KAT6A: variants seen among roughly 807,000 people sequenced by gnomAD.
KAT6A encodes the protein lysine acetyltransferase 6A.
KAT6A carries 9 observed loss-of-function variants against 198.4 expected under a neutral mutation model. That is an observed-to-expected ratio of 0.05 (90% CI 0.03 to 0.08). KAT6A has a LOEUF of 0.08. Among genes scored for constraint, KAT6A ranks in the 10% least tolerant of loss-of-function variants. The pLI is 1.00. For missense variants in KAT6A, 2,077 were observed against 2,509.9 expected (o/e 0.83, Z 3.69); for synonymous variants, 890 against 883.0 (o/e 1.01, Z -0.14).
In KAT6A at chr8:41,967,533, G is replaced by A. The variant is rs965065651; in HGVS notation, c.1482+7171C>T. ...CACTGTTCAATTCCCACCTATGAGT[G>A]AGAATATGCAGTGTTTGGTTTTTTG... On this transcript the variant is annotated intron_variant, in intron 8 of 16. Transcript: ENST00000265713. 5.5e-5 allele frequency among the ~76,000 whole-genome samples: 8 copies of A among 145,218 alleles called. No individual in the cohort carries two copies. The East Asian group carries it at 8.2e-4, about 15-fold the overall frequency.
At chr8:42,026,093 G>C (rs1826798993) in intron 2 of KAT6A, among the ~76,000 whole-genome samples, 1 of 152,136 alleles carries the variant, frequency 6.6e-6, no homozygotes, top group Non-Finnish European at 1.5e-5. Flanking sequence ...GTAAATACAT[G>C]GATTTATTTC....
chr8:41,948,035 G>A (rs1283889879), intron 10 of KAT6A, 123 bp from the exon 11 acceptor site: 2 of 661,198 alleles, frequency 3.0e-6, no homozygotes, highest in Non-Finnish European at 4.7e-6. Context: ...TCCATGACCA[G>A]AACACTTTGG....
At chr8:42,013,275 T>C (rs954527335) in intron 2 of KAT6A, among the ~76,000 whole-genome samples, 12 of 136,720 alleles carry the variant, frequency 8.8e-5, no homozygotes, top group African/African-American at 1.7e-4. Flanking sequence ...TTTTTTTTTT[T>C]AGATGGAGTC....
At chr8:41,969,165 TATC>T (rs1823656227) in intron 8 of KAT6A, among the ~76,000 whole-genome samples, 1 of 152,202 alleles carries the variant, frequency 6.6e-6, no homozygotes, top group Non-Finnish European at 1.5e-5. Context: ...TTAATTCCTT[TATC>T]ATGTCTTTTG....
At chr8:41,975,818 C>T in intron 7 of KAT6A, among the ~76,000 whole-genome samples, 1 of 152,196 alleles carries the variant, frequency 6.6e-6, no homozygotes, top group Non-Finnish European at 1.5e-5. Flanking sequence ...CTAACAATTT[C>T]TATTTCAAAA....
intron 2 of KAT6A, among the ~76,000 whole-genome samples, chr8:42,011,650 G>A (rs1188062128): frequency 2.6e-5 from 4 of 151,994 alleles, no homozygotes; most frequent in African/African-American, 9.7e-5. Context: ...TGAGGCAGGA[G>A]AATCGCTTGA....
chr8:41,933,771 G>T lies in KAT6A; in HGVS notation c.4449C>A (p.Ile1483=). 6.2e-7 allele frequency: 1 copy of T among 1,614,148 alleles called. No homozygotes were observed. The highest frequency in any genetic ancestry group is 2.2e-5 in the East Asian group (1 of 44,862). ...GGCTGGGGTGAGACTGAACGGAGGAGATAGGGCTATTATGTTCTGACGCAT... is the reference window on the plus strand; with the variant it reads ...GGCTGGGGTGAGACTGAACGGAGGATATAGGGCTATTATGTTCTGACGCAT... The part of the protein sequence containing the change: ...DCHASEHNSP[I]SSVQSHPSQS... Residue 1483 remains isoleucine, a synonymous_variant, in exon 17 of 17, where the codon ATC becomes ATA. Coordinates refer to ENST00000265713, the MANE Select transcript of KAT6A (RefSeq NM_006766.5). The surrounding 1 kb of genome is among the most constrained non-coding windows in gnomAD (Gnocchi z 6.2).
intron 2 of KAT6A, among the ~76,000 whole-genome samples, chr8:42,003,039 G>A (rs904045570): frequency 6.6e-6 from 1 of 152,096 alleles, no homozygotes; most frequent in Non-Finnish European, 1.5e-5. Context: ...CTTATGATGT[G>A]GGGCTCAGAT....
rs1564001216 is a variant in KAT6A at position 41,931,527 on chromosome 8, C to T, written c.*678G>A. On this transcript the variant is annotated 3_prime_UTR_variant, in exon 17 of 17. Coordinates refer to ENST00000265713, the MANE Select transcript of KAT6A (RefSeq NM_006766.5). ...GAACAACAAAGATTTCAATGAAGTC[C>T]GTCTATAAAGAAACATTCTTGGGGA... is the stretch of plus-strand genomic sequence containing the variant. 9.7e-6 allele frequency: 2 copies of T among 205,520 alleles called. No homozygotes were observed. Among genetic ancestry groups the T allele is most frequent in the Admixed American group, 6.0e-5 (1 of 16,774 alleles). 12.7% of individuals were successfully genotyped at this position (205,520 alleles called of 1,614,324 possible). A position where few individuals can be genotyped will look rare whatever the true frequency, so the allele number is the denominator to read the frequency against.
At chr8:42,012,675 C>A (rs1281276167) in intron 2 of KAT6A, among the ~76,000 whole-genome samples, 1 of 152,212 alleles carries the variant, frequency 6.6e-6, no homozygotes, top group Non-Finnish European at 1.5e-5. Flanking sequence ...GAATAAATTT[C>A]TGCTGTTTTA....
intron 8 of KAT6A, among the ~76,000 whole-genome samples, chr8:41,962,295 T>TCCCA (rs1192742311): frequency 1.3e-5 from 2 of 152,076 alleles, no homozygotes; most frequent in Non-Finnish European, 2.9e-5. Context: ...GAGACACATA[T>TCCCA]CCCACTATCT....
chr8:41,960,567 C>T (rs1320859839), intron 8 of KAT6A, among the ~76,000 whole-genome samples: 1 of 149,818 alleles, frequency 6.7e-6, no homozygotes, highest in African/African-American at 2.5e-5. Flanking sequence ...TATTTTACCA[C>T]AATTATTTTT....
intron 8 of KAT6A, among the ~76,000 whole-genome samples, chr8:41,956,580 T>TAAC (rs1370164395): frequency 1.3e-5 from 2 of 152,196 alleles, no homozygotes; most frequent in Admixed American, 1.3e-4. Flanking sequence ...ATTAGAGACC[T>TAAC]TCTGGTCTTT....
intron 2 of KAT6A, among the ~76,000 whole-genome samples, chr8:42,036,337 A>C (rs1311922656): frequency 6.6e-6 from 1 of 152,160 alleles, no homozygotes; most frequent in Non-Finnish European, 1.5e-5. Context: ...GAGGTTGGGC[A>C]CGATGGCTCA....
intron 9 of KAT6A, among the ~76,000 whole-genome samples, chr8:41,954,398 T>C (rs1822827148): frequency 6.6e-6 from 1 of 152,186 alleles, no homozygotes; most frequent in Non-Finnish European, 1.5e-5. Flanking sequence ...ATGAGAATAT[T>C]CTGAACATGT....
At chr8:41,993,415 A>G (rs72640402) in intron 2 of KAT6A, among the ~76,000 whole-genome samples, 7 of 152,340 alleles carry the variant, frequency 4.6e-5, no homozygotes, top group Non-Finnish European at 1.0e-4. Flanking sequence ...TGTTAAGCCA[A>G]ATAAAGGCGT....
chr8:41,990,375 T>C (rs865955255), intron 2 of KAT6A, among the ~76,000 whole-genome samples: 18 of 151,986 alleles, frequency 1.2e-4, no homozygotes, highest in African/African-American at 3.9e-4. Flanking sequence ...GAGAGAAGCA[T>C]AGTAAGGAAG....
intron 2 of KAT6A, among the ~76,000 whole-genome samples, chr8:42,045,312 G>A (rs985993050): frequency 2.6e-5 from 4 of 152,142 alleles, no homozygotes; most frequent in African/African-American, 7.2e-5. Context: ...TGTAATGCCA[G>A]CACTTTGGGA....
intron 5 of KAT6A, 136 bp from the exon 6 acceptor site, chr8:41,978,913 A>G: frequency 2.8e-6 from 2 of 710,068 alleles, no homozygotes; most frequent in Non-Finnish European, 4.6e-6. Flanking sequence ...TACCCCCTCC[A>G]ATCCAAAATA....
Sources: allele counts gnomAD v4.1 joint callset (sites outside exome capture counted in the v4.1 genomes callset), GRCh38; gene constraint gnomAD v4.1.1; non-coding constraint Gnocchi (gnomAD v3.1); transcripts MANE v1.5; gene names NCBI Gene and HGNC (gene_info 2026-07-23, HGNC 2026-07-21).